TRHDE: variants seen among roughly 807,000 people sequenced by gnomAD.
TRHDE encodes thyrotropin releasing hormone degrading enzyme.
TRHDE carries 72 observed loss-of-function variants against 125.7 expected under a neutral mutation model. That is an observed-to-expected ratio of 0.57 (90% CI 0.47 to 0.70). The LOEUF is 0.70. Ranked by LOEUF, TRHDE falls within the 30% of genes least tolerant of loss-of-function variation. The pLI is 0.00. For synonymous variants in TRHDE, 509 were observed against 509.1 expected (o/e 1.00, Z 0.00); for missense variants, 1,110 against 1,327.1 (o/e 0.84, Z 2.54).
chr12:72,365,580 T>C (rs1036248339), intron 2 of TRHDE, among the ~76,000 whole-genome samples: 2 of 152,050 alleles, frequency 1.3e-5, no homozygotes, highest in Admixed American at 1.3e-4. Flanking sequence ...GGTAATAATA[T>C]AGGTGAGTGA....
intron 1 of TRHDE, among the ~76,000 whole-genome samples, chr12:72,091,474 C>T (rs984259871): frequency 5.3e-5 from 8 of 152,164 alleles, no homozygotes; most frequent in Admixed American, 1.3e-4. Flanking sequence ...AATGTTTACA[C>T]TTGTTCAAAG....
intron 2 of TRHDE, among the ~76,000 whole-genome samples, chr12:72,151,635 C>T (rs1386158359): frequency 1.3e-5 from 2 of 152,044 alleles, no homozygotes; most frequent in South Asian, 4.2e-4. Flanking sequence ...TTTCCCAGCA[C>T]CATTTATTAA....
intron 2 of TRHDE, among the ~76,000 whole-genome samples, chr12:72,305,851 G>A (rs983493281): frequency 2.6e-5 from 4 of 152,120 alleles, no homozygotes; most frequent in Non-Finnish European, 5.9e-5. Flanking sequence ...TTCAAACATG[G>A]TTATATGAAT....
Position 72,463,134 on chromosome 12 carries a change from C to G in TRHDE, c.1316-6624C>G, listed in dbSNP as rs140781075. ...ACCAGTGCTGCTTTTCAGGAAAATGCCACATCCCCTGACTACACTAGGGGC... is the reference window on the plus strand; with the variant it reads ...ACCAGTGCTGCTTTTCAGGAAAATGGCACATCCCCTGACTACACTAGGGGC... On this transcript the variant is annotated intron_variant, in intron 3 of 18. Transcript: ENST00000261180. 8.6e-4 allele frequency among the ~76,000 whole-genome samples: 131 copies of G among 152,300 alleles called. 1 individual carries two copies. Among genetic ancestry groups the G allele is most frequent in the Admixed American group, 1.6e-3 (25 of 15,302 alleles).
At chr12:72,444,756 A>T (rs1204228724) in intron 3 of TRHDE, among the ~76,000 whole-genome samples, 2 of 151,864 alleles carry the variant, frequency 1.3e-5, no homozygotes, top group African/African-American at 4.8e-5. Context: ...AGAGCGAGCC[A>T]CTTGATCTTA....
At chr12:72,477,072 T>C (rs1205863660) in intron 5 of TRHDE, among the ~76,000 whole-genome samples, 2 of 152,194 alleles carry the variant, frequency 1.3e-5, no homozygotes, top group Non-Finnish European at 2.9e-5. Context: ...TTCCCCTTTC[T>C]AACTCATCCT....
At chr12:72,160,345 A>G (rs902914139) in intron 2 of TRHDE, among the ~76,000 whole-genome samples, 3 of 152,184 alleles carry the variant, frequency 2.0e-5, no homozygotes, top group Non-Finnish European at 4.4e-5. Flanking sequence ...CATCCCAGGT[A>G]TCTTGAATCA....
In TRHDE at chr12:72,606,638, T is replaced by A. The variant is rs552268272; in HGVS notation, c.2322-12253T>A. On this transcript the variant is annotated intron_variant, in intron 12 of 18. Coordinates refer to ENST00000261180, the MANE Select transcript of TRHDE (RefSeq NM_013381.3). ...CTTAAGCATATGCCATAGGAAGGCT[T>A]TATGATACATACTGGGGATACAGAG... is the stretch of plus-strand genomic sequence containing the variant. Among the ~76,000 whole-genome samples the A allele has an allele frequency of 2.6e-5, 4 of 152,314 alleles. No homozygotes were observed. The South Asian group carries it at 8.3e-4, about 32-fold the overall frequency.
chr12:72,329,717 A>G (rs982892882), intron 2 of TRHDE, among the ~76,000 whole-genome samples: 2 of 152,118 alleles, frequency 1.3e-5, no homozygotes, highest in African/African-American at 4.8e-5. Context: ...TGTTTGTCCC[A>G]TTTGGATGGA....
intron 3 of TRHDE, among the ~76,000 whole-genome samples, chr12:72,467,588 G>A (rs1383146627): frequency 6.6e-6 from 1 of 152,130 alleles, no homozygotes; most frequent in Non-Finnish European, 1.5e-5. Flanking sequence ...AGGCCGAGGT[G>A]GGTGGATCAC....
At chr12:72,096,944 GAA>G (rs1874937570) in intron 1 of TRHDE, among the ~76,000 whole-genome samples, 1 of 152,158 alleles carries the variant, frequency 6.6e-6, no homozygotes, top group South Asian at 2.1e-4. Flanking sequence ...GAGCATGGCA[GAA>G]AAGAGTGCTA....
At chr12:72,431,368 C>A (rs1565738726) in intron 3 of TRHDE, among the ~76,000 whole-genome samples, 1 of 152,084 alleles carries the variant, frequency 6.6e-6, no homozygotes, top group Admixed American at 6.6e-5. Flanking sequence ...AAAAACAAGC[C>A]AAATGCTGAC....
intron 2 of TRHDE, among the ~76,000 whole-genome samples, chr12:72,146,669 T>C (rs1350231892): frequency 6.6e-6 from 1 of 152,148 alleles, no homozygotes; most frequent in African/African-American, 2.4e-5. Flanking sequence ...CACGGTAGTG[T>C]CTAGGGCTGG....
intron 18 of TRHDE, among the ~76,000 whole-genome samples, chr12:72,657,817 A>G (rs1179964094): frequency 2.0e-5 from 3 of 152,134 alleles, no homozygotes; most frequent in Non-Finnish European, 4.4e-5. Flanking sequence ...ATTGATTACA[A>G]TGGATCGCAC....
intron 2 of TRHDE, among the ~76,000 whole-genome samples, chr12:72,154,512 T>A (rs887224945): frequency 6.6e-6 from 1 of 152,270 alleles, no homozygotes; most frequent in Non-Finnish European, 1.5e-5. Context: ...CAATTTGGCA[T>A]GTTTTTGCAG....
chr12:72,370,591 G>C (rs1871534006), intron 2 of TRHDE, among the ~76,000 whole-genome samples: 1 of 152,046 alleles, frequency 6.6e-6, no homozygotes, highest in Non-Finnish European at 1.5e-5. Context: ...TTTCTAATTA[G>C]TCTTTCTGCC....
chr12:72,313,931 C>G (rs532600525), intron 2 of TRHDE, among the ~76,000 whole-genome samples: 1 of 152,250 alleles, frequency 6.6e-6, no homozygotes, highest in Non-Finnish European at 1.5e-5. Context: ...CTTGGAATTC[C>G]TCAGATCCAG....
chr12:72,656,823 C>T (rs1874724800), intron 17 of TRHDE, 104 bp from the exon 18 acceptor site: 1 of 760,396 alleles, frequency 1.3e-6, no homozygotes, highest in African/African-American at 1.8e-5. Context: ...TCTCTGACAA[C>T]ACTGAGCAAA....
intron 3 of TRHDE, among the ~76,000 whole-genome samples, chr12:72,417,055 C>T (rs1873760036): frequency 6.6e-6 from 1 of 151,904 alleles, no homozygotes; most frequent in Admixed American, 6.6e-5. Flanking sequence ...CAATATTTTA[C>T]CATTTTCATT....
Sources: allele counts gnomAD v4.1 joint callset (sites outside exome capture counted in the v4.1 genomes callset), GRCh38; gene constraint gnomAD v4.1.1; transcripts MANE v1.5; gene names NCBI Gene and HGNC (gene_info 2026-07-23, HGNC 2026-07-21).